GRIN3B: variants seen among roughly 807,000 people sequenced by gnomAD.
The protein encoded by GRIN3B is glutamate receptor ionotropic, NMDA 3B.
In GRIN3B, 77 loss-of-function variants were observed where a neutral mutation model predicts 66.0. That is an observed-to-expected ratio of 1.17 (90% CI 0.97 to 1.41). GRIN3B has a LOEUF of 1.41. GRIN3B is among the 40% of genes most tolerant of loss of function. GRIN3B has a pLI of 0.00. For missense variants in GRIN3B, 1,787 were observed against 1,564.5 expected, an observed-to-expected ratio of 1.14 and a Z score of -2.40; for synonymous variants, 823 against 749.7, an observed-to-expected ratio of 1.10 and a Z score of -1.60.
rs758034341 is a variant in GRIN3B, at chr19:1,005,486, C to T, written c.1985C>T (p.Ala662Val). ...FCLLVLSSYTANLAAVMVGDK... is the reference protein window; with the variant it reads ...FCLLVLSSYTVNLAAVMVGDK... The stretch of plus-strand genomic sequence containing the variant: ...CTGCTGGTGCTGTCCAGCTACACGG[C>T]CAACCTGGCTGCCGTCATGGTCGGG... The change falls in exon 3 of 9, where the codon GCC (alanine) becomes GTC (valine). Residue 662 changes from alanine (A) to valine (V), a missense_variant. Coordinates refer to ENST00000234389, the MANE Select transcript of GRIN3B (RefSeq NM_138690.3). The surrounding 1 kb of genome is among the most constrained non-coding windows in gnomAD (Gnocchi z 5.2). 4 of 1,613,186 alleles carry T rather than the reference C, an allele frequency of 2.5e-6. No homozygotes were observed.
In GRIN3B at chr19:1,003,526, C is replaced by A; in HGVS notation, c.823C>A (p.Pro275Thr). The change falls in exon 2 of 9, where the codon CCA (proline) becomes ACA (threonine). Residue 275 changes from proline to threonine, a missense_variant. By Grantham distance (38) the Pro-to-Thr change is conservative. Coordinates refer to ENST00000234389, the MANE Select transcript of GRIN3B (RefSeq NM_138690.3). Reference protein sequence around the residue: ...PPKALPTAGLPPGLLALGEVA... With the variant: ...PPKALPTAGLTPGLLALGEVA... ...CAAGGCCCTGCCCACCGCGGGGCTG[C>A]CACCAGGGCTGCTGGCGCTGGGCGA... 6.5e-7 allele frequency: 1 copy of A among 1,528,794 alleles called. No homozygotes were observed. The highest frequency in any genetic ancestry group is 8.7e-7 in the Non-Finnish European group (1 of 1,142,902). The allele number at this position is 1,528,794 out of a possible 1,614,324, so 94.7% of individuals were successfully genotyped here.
chr19:1,004,599 G>T lies in GRIN3B; in HGVS notation c.1098G>T (p.Arg366=). The change falls in exon 3 of 9, where the codon CGG becomes CGT. Residue 366 remains arginine, a synonymous_variant. Coordinates refer to ENST00000234389, the MANE Select transcript of GRIN3B (RefSeq NM_138690.3). ...VTGSSQVHMS[R]HFKVWSLRRD... is the part of the protein sequence containing the mutation. ...GCAGCTCCCAGGTACACATGTCTCG[G>T]CACTTTAAGGTGTGGAGCCTTCGCC... 2 of 1,608,484 alleles carry T rather than the reference G, an allele frequency of 1.2e-6. No individual in the cohort carries two copies. Among genetic ancestry groups the T allele is most frequent in the Non-Finnish European group, 1.7e-6 (2 of 1,178,176 alleles).
In GRIN3B at chr19:1,009,458, G is replaced by T; in HGVS notation, c.2988G>T (p.Arg996=). The change falls in exon 9 of 9, where the codon CGG becomes CGT. Residue 996 remains arginine, a synonymous_variant. Transcript: ENST00000234389. ...GCCGCATCGAAGTCGCGCGTGAGCG[G>T]CTCCGCCAGGCCCTGGTGCGGCGCG... is the stretch of plus-strand genomic sequence containing the variant. The part of the protein sequence containing the change: ...LERRIEVARE[R]LRQALVRRGQ... 1 of 1,476,398 alleles carries T rather than the reference G, an allele frequency of 6.8e-7. No homozygotes were observed. The highest frequency in any genetic ancestry group is 8.9e-7 in the Non-Finnish European group (1 of 1,120,256). The allele number at this position is 1,476,398 out of a possible 1,614,324, so 91.5% of individuals were successfully genotyped here. A position where few individuals can be genotyped will look rare whatever the true frequency, so the allele number is the denominator to read the frequency against.
Position 1,009,483 on chromosome 19 carries a change from G to A in GRIN3B, c.3013G>A (p.Gly1005Ser). 6.0e-6 allele frequency: 9 copies of A among 1,490,868 alleles called. No homozygotes were observed. The highest frequency in any genetic ancestry group is 1.3e-5 in the South Asian group (1 of 78,914). 92.4% of individuals were successfully genotyped at this position (1,490,868 alleles called of 1,614,324 possible). A position where few individuals can be genotyped will look rare whatever the true frequency, so the allele number is the denominator to read the frequency against. ...ERLRQALVRR[G>S]QLLAQLGDSA... The stretch of plus-strand genomic sequence containing the variant: ...GCTCCGCCAGGCCCTGGTGCGGCGC[G>A]GCCAGCTCCTGGCACAGCTCGGGGA... The change falls in exon 9 of 9, where the codon GGC becomes AGC. Residue 1005 changes from glycine (G) to serine (S), a missense_variant. Gly to Ser is a moderately conservative substitution (Grantham distance 56). Transcript: ENST00000234389.
chr19:1,005,558 G>T lies in GRIN3B; in HGVS notation c.2052+5G>T. The T allele has an allele frequency of 6.4e-7, 1 of 1,570,138 alleles. No individual in the cohort carries two copies. Among genetic ancestry groups the T allele is most frequent in the Non-Finnish European group, 8.7e-7 (1 of 1,155,922 alleles). ...TCGGGGATCCACGACCCCAAGGTGG[G>T]CGGCCTCGGGGGGCTGCGGGTGGCC... On this transcript the variant is annotated splice_donor_5th_base_variant and intron_variant, in intron 3 of 8. Transcript: ENST00000234389. This position sits in a 1 kb window ranked among gnomAD's most constrained non-coding sequence, Gnocchi z 5.2.
Position 1,004,891 on chromosome 19 carries a change from GCCAACGGCTCAGCGCCCCGTGC to G in GRIN3B, c.1393_1414del (p.Asn465CysfsTer175). ...CCTGGACGCACTGTTCGCCGCGCTG[GCCAACGGCTCAGCGCCCCGTGC>G]CCTGCGCAAGTGCTGCTACGGCTAC... is the stretch of plus-strand genomic sequence containing the variant. On this transcript the variant is annotated frameshift_variant, in exon 3 of 9. Coordinates refer to ENST00000234389, the MANE Select transcript of GRIN3B (RefSeq NM_138690.3). LOFTEE classifies it high-confidence loss of function. 1 of 1,600,738 alleles carries G rather than the reference GCCAACGGCTCAGCGCCCCGTGC, an allele frequency of 6.2e-7. No individual in the cohort carries two copies. The highest frequency in any genetic ancestry group is 1.1e-5 in the South Asian group (1 of 90,762).
intron 3 of GRIN3B, among the ~76,000 whole-genome samples, chr19:1,006,915 G>A (rs2038755121): frequency 6.6e-6 from 1 of 152,196 alleles, no homozygotes; most frequent in Non-Finnish European, 1.5e-5. Flanking sequence ...CTGGAATCCC[G>A]TGGGGAGGCC....
chr19:1,008,595 G>A (rs773245488), intron 6 of GRIN3B, 23 bp from the exon 7 acceptor site: 4 of 1,589,822 alleles, frequency 2.5e-6, no homozygotes, highest in Non-Finnish European at 3.4e-6. Context: ...GACCGTGCGG[G>A]GCTCCTGCTG....
chr19:1,004,919 G>A lies in GRIN3B; in HGVS notation c.1418G>A (p.Arg473His), dbSNP rs747783907. Residue 473 changes from arginine (R) to histidine (H), a missense_variant, in exon 3 of 9, where the codon CGC (arginine) becomes CAC (histidine). Arg to His is a conservative substitution (Grantham distance 29, BLOSUM62 0). Transcript: ENST00000234389. ...LANGSAPRAL[R>H]KCCYGYCIDL... ...AACGGCTCAGCGCCCCGTGCCCTGC[G>A]CAAGTGCTGCTACGGCTACTGCATT... 1.1e-5 allele frequency: 18 copies of A among 1,611,896 alleles called. No individual in the cohort carries two copies. The highest frequency in any genetic ancestry group is 2.2e-5 in the South Asian group (2 of 91,028).
chr19:1,004,217 C>T (rs894073562), intron 2 of GRIN3B, among the ~76,000 whole-genome samples: 10 of 152,198 alleles, frequency 6.6e-5, no homozygotes, highest in Non-Finnish European at 5.9e-5. Context: ...TCTGGCTGAG[C>T]CCTGGAGGAG....
At position 1,000,502 on chromosome 19, in the gene GRIN3B, G is replaced by A. The variant is rs1599453738; in HGVS notation, c.65G>A (p.Gly22Asp). The stretch of plus-strand genomic sequence containing the variant: ...GCGCTGGGGCCGGGGTCCGCGGGGG[G>A]CCACCCTCAGCCGTGCGGCGTCCTG... ...ALALGPGSAG[G>D]HPQPCGVLAR... Residue 22 changes from glycine (G) to aspartate (D), a missense_variant, in exon 1 of 9, where the codon GGC (glycine) becomes GAC (aspartate). Gly to Asp is a moderately conservative substitution (Grantham distance 94, BLOSUM62 -1). Coordinates refer to ENST00000234389, the MANE Select transcript of GRIN3B (RefSeq NM_138690.3). 6.7e-6 allele frequency: 8 copies of A among 1,196,884 alleles called. No homozygotes were observed. The highest frequency in any genetic ancestry group is 3.2e-5 in the African/African-American group (2 of 62,896). 74.1% of individuals were successfully genotyped at this position (1,196,884 alleles called of 1,614,324 possible).
At chr19:1,004,348 G>C (rs567649337) in intron 2 of GRIN3B, among the ~76,000 whole-genome samples, 173 bp from the exon 3 acceptor site, 1 of 152,268 alleles carries the variant, frequency 6.6e-6, no homozygotes, top group South Asian at 2.1e-4. Context: ...CGGATGCCCC[G>C]GGATCAAGGG....
chr19:1,009,699 A>G lies in GRIN3B; in HGVS notation c.*97A>G, dbSNP rs1373234672. On this transcript the variant is annotated 3_prime_UTR_variant, in exon 9 of 9. Coordinates refer to ENST00000234389, the MANE Select transcript of GRIN3B (RefSeq NM_138690.3). ...TCTATATACAAACACAATTTTGTAC[A>G]CTGCAATTAAATAGAATGGAATGAG... 4 of 1,025,046 alleles carry G rather than the reference A, an allele frequency of 3.9e-6. No individual in the cohort carries two copies. The Admixed American group carries it at 1.7e-4, about 43-fold the overall frequency. The allele number at this position is 1,025,046 out of a possible 1,614,324, so 63.5% of individuals were successfully genotyped here.
chr19:1,003,408 G>T lies in GRIN3B; in HGVS notation c.705G>T (p.Ala235=). The change falls in exon 2 of 9, where the codon GCG becomes GCT. Residue 235 remains alanine (A), a synonymous_variant. Coordinates refer to ENST00000234389, the MANE Select transcript of GRIN3B (RefSeq NM_138690.3). ...PVGGEAPVPA[A]VLLGCDIARA... ...GGGGTGAAGCACCGGTACCCGCGGCGGTCCTCCTCGGCTGTGACATCGCCC... is the reference window on the plus strand; with the variant it reads ...GGGGTGAAGCACCGGTACCCGCGGCTGTCCTCCTCGGCTGTGACATCGCCC... 6.5e-7 allele frequency: 1 copy of T among 1,549,618 alleles called. No homozygotes were observed.
In GRIN3B at chr19:1,008,638, C is replaced by T. The variant is rs1294558477; in HGVS notation, c.2487C>T (p.Tyr829=). The change falls in exon 7 of 9, where the codon TAC becomes TAT. Residue 829 remains tyrosine, a synonymous_variant. Coordinates refer to ENST00000234389, the MANE Select transcript of GRIN3B (RefSeq NM_138690.3). The part of the protein sequence containing the change: ...AVTETLQMSI[Y]HFAGLFVLLC... ...CCCAGACCCTGCAGATGAGCATCTA[C>T]CACTTCGCGGGCCTCTTCGTGTTGC... 1 of 1,600,814 alleles carries T rather than the reference C, an allele frequency of 6.2e-7. No individual in the cohort carries two copies. Among genetic ancestry groups the T allele is most frequent in the Non-Finnish European group, 8.5e-7 (1 of 1,179,314 alleles).
In GRIN3B at chr19:1,007,799, G is replaced by GGGGCGGGGCGTGGGGT. The variant is rs750364199; in HGVS notation, c.2198+37_2199-31dup. Reference sequence around the variant, plus strand: ...GTGAGCCCGGGCGCGGGGTGAGGCGGGGGCGGGGCGTGGGGTGGGCGGGGC... The same window carrying GGGGCGGGGCGTGGGGT: ...GTGAGCCCGGGCGCGGGGTGAGGCGGGGGCGGGGCGTGGGGTGGGCGGGGCGTGGGGTGGGCGGGGC... On this transcript the variant is annotated intron_variant, in intron 4 of 8. Coordinates refer to ENST00000234389, the MANE Select transcript of GRIN3B (RefSeq NM_138690.3). This position sits in a 1 kb window ranked among gnomAD's most constrained non-coding sequence, Gnocchi z 4.4. The GGGGCGGGGCGTGGGGT allele has an allele frequency of 4.6e-6, 7 of 1,516,046 alleles. No individual in the cohort carries two copies. The Admixed American group carries it at 1.1e-4, about 23-fold the overall frequency. The allele number at this position is 1,516,046 out of a possible 1,614,324, so 93.9% of individuals were successfully genotyped here.
chr19:1,007,668 G>A lies in GRIN3B; in HGVS notation c.2093G>A (p.Trp698Ter). Residue 698 changes from tryptophan (W) to a stop codon, truncating the protein, a stop_gained, in exon 4 of 9, where the codon TGG (tryptophan) becomes TAG (stop). Transcript: ENST00000234389. LOFTEE classifies it high-confidence loss of function. The surrounding 1 kb of genome is among the most constrained non-coding windows in gnomAD (Gnocchi z 4.4). ...PAQGFRFGTV[W>*]ESSAEAYIKK... Reference sequence around the variant, plus strand: ...CAGGGCTTCCGCTTCGGCACCGTGTGGGAGAGCAGCGCCGAGGCGTACATC... The same window carrying A: ...CAGGGCTTCCGCTTCGGCACCGTGTAGGAGAGCAGCGCCGAGGCGTACATC... 1 of 1,534,070 alleles carries A rather than the reference G, an allele frequency of 6.5e-7. No individual in the cohort carries two copies. Among genetic ancestry groups the A allele is most frequent in the Admixed American group, 2.0e-5 (1 of 49,814 alleles).
intron 8 of GRIN3B, 50 bp from the exon 9 acceptor site, chr19:1,009,123 C>T (rs1599463571): frequency 6.9e-7 from 1 of 1,440,490 alleles, no homozygotes; most frequent in African/African-American, 1.4e-5. Context: ...AGGCCCAGGG[C>T]GCGAGACGGC....
At chr19:1,008,055 G>C (rs1286554044) in intron 5 of GRIN3B, 84 bp downstream of exon 5, 41 of 1,573,624 alleles carry the variant, frequency 2.6e-5, no homozygotes, top group Non-Finnish European at 3.3e-5. Context: ...GGTTCGAGGT[G>C]GGAAGGGGCG....
Sources: gnomAD v4.1 joint callset for allele counts (sites outside exome capture counted in the v4.1 genomes callset) on GRCh38, gnomAD v4.1.1 for gene constraint, Gnocchi (gnomAD v3.1) non-coding constraint, MANE v1.5 for transcripts, NCBI Gene and HGNC (gene_info 2026-07-23, HGNC 2026-07-21) for gene names.